The following MAN1A1 variants were observed in gnomAD, a reference collection of about 807,000 sequenced individuals.
MAN1A1 encodes mannosidase alpha class 1A member 1.
Under a neutral mutation model 70.8 loss-of-function variants are expected in MAN1A1, and 29 were observed. The ratio of observed to expected loss-of-function variants is 0.41; its 90% CI spans 0.31 to 0.56. The LOEUF (loss-of-function observed/expected upper bound fraction) is 0.56, where lower values mean the gene tolerates loss of function less well. Ranked by LOEUF, MAN1A1 falls within the 20% of genes least tolerant of loss-of-function variation. The pLI, the probability that MAN1A1 is intolerant of heterozygous loss-of-function variation, is 0.29. For missense variants in MAN1A1, 747 were observed against 841.3 expected (o/e 0.89, Z 1.39); for synonymous variants, 349 against 330.1 (o/e 1.06, Z -0.62).
At position 119,178,523 on chromosome 6, in the gene MAN1A1, C is replaced by G. The variant is rs1773062281; in HGVS notation, c.*1296G>C. 6.6e-6 allele frequency: 1 copy of G among 151,928 alleles called. No individual in the cohort carries two copies. The highest frequency in any genetic ancestry group is 1.9e-4 in the East Asian group (1 of 5,190). 9.4% of individuals were successfully genotyped at this position (151,928 alleles called of 1,614,324 possible). On this transcript the variant is annotated 3_prime_UTR_variant, in exon 13 of 13. Coordinates refer to ENST00000368468, the MANE Select transcript of MAN1A1 (RefSeq NM_005907.4). ...TGTAAGCAAACACAAGGTATCACAC[C>G]AAATCTATTCTTGAGAAAACCATTC...
chr6:119,248,377 G>C, intron 5 of MAN1A1, 23 bp from the exon 6 acceptor site: 1 of 1,272,152 alleles, frequency 7.9e-7, no homozygotes, highest in Non-Finnish European at 1.2e-6. Flanking sequence ...ACAGTTAACT[G>C]TAAGCTACTG....
intron 5 of MAN1A1, among the ~76,000 whole-genome samples, chr6:119,260,980 T>TC (rs1775594506): frequency 8.2e-6 from 1 of 122,122 alleles, no homozygotes; most frequent in Non-Finnish European, 1.7e-5. Flanking sequence ...TTTATTGTTT[T>TC]TTTTTTTTTT....
At chr6:119,271,322 A>G (rs1224588526) in intron 5 of MAN1A1, among the ~76,000 whole-genome samples, 1 of 152,158 alleles carries the variant, frequency 6.6e-6, no homozygotes. Context: ...CATTACTTAA[A>G]TCAATTAAAA....
chr6:119,244,855 C>T (rs1466780970), intron 6 of MAN1A1, among the ~76,000 whole-genome samples: 1 of 152,132 alleles, frequency 6.6e-6, no homozygotes, highest in African/African-American at 2.4e-5. Flanking sequence ...AAGAACATGT[C>T]TGTTATCTTC....
At chr6:119,181,059 T>C (rs1481043560) in intron 11 of MAN1A1, among the ~76,000 whole-genome samples, 1 of 152,228 alleles carries the variant, frequency 6.6e-6, no homozygotes, top group African/African-American at 2.4e-5. Context: ...ATAGGCTAAA[T>C]CCAGTCCACT....
chr6:119,335,800 G>A (rs147737430), intron 2 of MAN1A1, among the ~76,000 whole-genome samples: 104 of 152,332 alleles, frequency 6.8e-4, no homozygotes, highest in Middle Eastern at 3.4e-3. Context: ...TCTGGAGATA[G>A]TAACTATGTA....
Position 119,281,195 on chromosome 6 carries a change from G to A in MAN1A1, c.897+9488C>T, listed in dbSNP as rs1400921125. 2.0e-5 allele frequency among the ~76,000 whole-genome samples: 3 copies of A among 152,334 alleles called. No homozygotes were observed. The East Asian group carries it at 5.8e-4, about 29-fold the overall frequency. Reference sequence around the variant, plus strand: ...AAGATTCATATCCCAAGTCACACTCGTCACCCTACTTTGGTGCCACTTTAT... The same window carrying A: ...AAGATTCATATCCCAAGTCACACTCATCACCCTACTTTGGTGCCACTTTAT... On this transcript the variant is annotated intron_variant, in intron 5 of 12. Transcript: ENST00000368468.
At chr6:119,326,154 T>C (rs921858574) in intron 2 of MAN1A1, among the ~76,000 whole-genome samples, 1 of 152,196 alleles carries the variant, frequency 6.6e-6, no homozygotes, top group African/African-American at 2.4e-5. Context: ...TCTCTTACAC[T>C]TTCTGCTCTG....
chr6:119,290,617 T>C, intron 5 of MAN1A1, 66 bp downstream of exon 5: 1 of 1,110,336 alleles, frequency 9.0e-7, no homozygotes, highest in East Asian at 2.4e-5. Flanking sequence ...ACGAATGGCA[T>C]ATTTTACCAA....
At chr6:119,319,208 C>T (rs2114473460) in intron 2 of MAN1A1, among the ~76,000 whole-genome samples, 1 of 152,056 alleles carries the variant, frequency 6.6e-6, no homozygotes. Flanking sequence ...CATTACCACC[C>T]TAAAATCATA....
chr6:119,179,995 T>C (rs117157812), intron 12 of MAN1A1, 50 bp from the exon 13 acceptor site: 73,300 of 1,592,550 alleles, frequency 0.046, 1,962 homozygotes, highest in Non-Finnish European at 0.053. Flanking sequence ...AGGCAGGCAG[T>C]GAAACCACAA....
At chr6:119,339,879 T>C (rs897349719) in intron 2 of MAN1A1, among the ~76,000 whole-genome samples, 3 of 152,108 alleles carry the variant, frequency 2.0e-5, no homozygotes, top group African/African-American at 7.2e-5. Flanking sequence ...TCACTTGAGA[T>C]CAGGAATTTG....
chr6:119,231,290 T>C (rs941893965), intron 6 of MAN1A1, among the ~76,000 whole-genome samples: 6 of 152,138 alleles, frequency 3.9e-5, no homozygotes, highest in African/African-American at 1.4e-4. Context: ...GTTTCCCCCA[T>C]GCTGTTCTTG....
At chr6:119,267,733 CTT>C (rs1429701696) in intron 5 of MAN1A1, among the ~76,000 whole-genome samples, 1 of 152,178 alleles carries the variant, frequency 6.6e-6, no homozygotes, top group Non-Finnish European at 1.5e-5. Context: ...CATTTACTAT[CTT>C]ATATGGTTTT....
chr6:119,317,271 T>G (rs760487185), intron 2 of MAN1A1, among the ~76,000 whole-genome samples: 16 of 152,184 alleles, frequency 1.1e-4, no homozygotes, highest in Non-Finnish European at 2.2e-4. Context: ...TGATTTACAT[T>G]AAGGCTCACT....
chr6:119,341,009 G>T (rs139457683), intron 2 of MAN1A1, among the ~76,000 whole-genome samples: 5 of 152,168 alleles, frequency 3.3e-5, no homozygotes, highest in African/African-American at 1.2e-4. Flanking sequence ...GGAAGGATAC[G>T]TGTACTTTTC....
chr6:119,346,998 A>G (rs1773746192), intron 2 of MAN1A1, among the ~76,000 whole-genome samples: 1 of 152,208 alleles, frequency 6.6e-6, no homozygotes, highest in African/African-American at 2.4e-5. Context: ...GAGAAAGGAA[A>G]CTGCTAGACA....
chr6:119,267,576 T>G (rs776124254), intron 5 of MAN1A1, among the ~76,000 whole-genome samples: 1 of 152,126 alleles, frequency 6.6e-6, no homozygotes, highest in African/African-American at 2.4e-5. Flanking sequence ...TACAGCTGTA[T>G]AGCCTAGTGT....
intron 2 of MAN1A1, among the ~76,000 whole-genome samples, chr6:119,328,167 C>T (rs1773204802): frequency 6.6e-6 from 1 of 152,198 alleles, no homozygotes; most frequent in Non-Finnish European, 1.5e-5. Context: ...TGAAAGAAAA[C>T]ACACCACACA....
Sources: allele counts gnomAD v4.1 joint callset (sites outside exome capture counted in the v4.1 genomes callset), GRCh38; gene constraint gnomAD v4.1.1; transcripts MANE v1.5; gene names NCBI Gene and HGNC (gene_info 2026-07-23, HGNC 2026-07-21).